Variants in GPX4 observed in about 807,000 individuals in gnomAD.
The protein encoded by GPX4 is glutathione peroxidase 4, also known as phospholipid hydroperoxide glutathione peroxidase GPX4.
A neutral mutation model predicts 27.8 loss-of-function variants in GPX4; 28 were observed. The ratio of observed to expected loss-of-function variants is 1.01; its 90% CI spans 0.75 to 1.38. The LOEUF (loss-of-function observed/expected upper bound fraction) is 1.38. Ranked by LOEUF, GPX4 falls within the 40% of genes most tolerant of loss-of-function variation. The probability of loss-of-function intolerance (pLI) is 0.00; values close to 1 mark genes in which losing one functional copy is unlikely to be tolerated. For synonymous variants in GPX4, 163 were observed against 107.8 expected (o/e 1.51, Z -3.17); for missense variants, 357 against 274.1 (o/e 1.30, Z -2.14).
Position 1,105,672 on chromosome 19 carries a change from C to G in GPX4, c.339C>G (p.Asn113Lys), listed in dbSNP as rs1342629270. The change falls in exon 4 of 7, where the codon AAC becomes AAG. Residue 113 changes from asparagine to lysine, a missense_variant. Physicochemically the swap from Asn to Lys is moderately conservative, Grantham distance 94. Transcript: ENST00000354171. ...GGCCGCCACAGGAGCCAGGGAGTAA[C>G]GAAGAGATCAAAGAGTTCGCCGCGG... ...NQFGKQEPGS[N>K]EEIKEFAAGY... The G allele has an allele frequency of 1.9e-6, 3 of 1,613,010 alleles. No individual in the cohort carries two copies. The highest frequency in any genetic ancestry group is 1.1e-5 in the South Asian group (1 of 91,010).
intron 6 of GPX4, 34 bp downstream of exon 6, chr19:1,106,493 G>A (rs200721348): frequency 7.9e-5 from 128 of 1,611,762 alleles, no homozygotes; most frequent in Non-Finnish European, 1.0e-4. Context: ...CTTGAGGCTC[G>A]GGGGCTTGGG....
intron 1 of GPX4, chr19:1,104,529 G>A: frequency 1.5e-6 from 1 of 656,348 alleles, no homozygotes; most frequent in Non-Finnish European, 1.9e-6. Context: ...TCTCCGGGCC[G>A]AGCGGGGCTG....
chr19:1,104,180 C>A, intron 1 of GPX4, 53 bp downstream of exon 1: 1 of 1,339,882 alleles, frequency 7.5e-7, no homozygotes, highest in Non-Finnish European at 9.6e-7. Context: ...GGCGGGCGCG[C>A]GATCCCTGCC....
rs928891922 is a variant in GPX4 at position 1,105,706 on chromosome 19, G to A, written c.373G>A (p.Val125Ile). 5.0e-6 allele frequency: 8 copies of A among 1,611,576 alleles called. No homozygotes were observed. The highest frequency in any genetic ancestry group is 4.0e-5 in the African/African-American group (3 of 74,928). Residue 125 changes from valine (V) to isoleucine (I), a missense_variant, in exon 4 of 7, where the codon GTC becomes ATC. Transcript: ENST00000354171. ...EIKEFAAGYN[V>I]KFDMFSKICV... ...CAAAGAGTTCGCCGCGGGCTACAACGTCAAATTCGATATGTTCAGCAAGAT... is the reference window on the plus strand; with the variant it reads ...CAAAGAGTTCGCCGCGGGCTACAACATCAAATTCGATATGTTCAGCAAGAT...
rs752207175 is a variant in GPX4, at chr19:1,106,387, C to A, written c.502-13C>A. ...AGGGGTGGCCCCACAGTTTGGACAC[C>A]GTCTCTCCACAGTTCCTCATCGACA... On this transcript the variant is annotated splice_polypyrimidine_tract_variant and intron_variant, in intron 5 of 6. Transcript: ENST00000354171. The A allele has an allele frequency of 1.9e-6, 3 of 1,613,476 alleles. No individual in the cohort carries two copies. Among genetic ancestry groups the A allele is most frequent in the East Asian group, 4.5e-5 (2 of 44,876 alleles).
chr19:1,105,529 G>C lies in GPX4; in HGVS notation c.324+19G>C. 1 of 1,611,376 alleles carries C rather than the reference G, an allele frequency of 6.2e-7. No homozygotes were observed. The highest frequency in any genetic ancestry group is 8.5e-7 in the Non-Finnish European group (1 of 1,179,352). On this transcript the variant is annotated intron_variant, in intron 3 of 6. Transcript: ENST00000354171. ...GAAGCAGGTGGGCTGCTGCGTCCCC[G>C]GGGCCCGCAGAGGCGGGTGGGTGGG... is the stretch of plus-strand genomic sequence containing the variant.
Position 1,105,123 on chromosome 19 carries a change from G to A in GPX4, c.85-63G>A, listed in dbSNP as rs548528852. ...ACCGACCCGCTCCCGATCCCTTCCT[G>A]CCTCAGGGTCCCGGGCTCAGCCTCC... On this transcript the variant is annotated intron_variant, in intron 1 of 6. Transcript: ENST00000354171. The A allele has an allele frequency of 1.1e-5, 17 of 1,586,330 alleles. No individual in the cohort carries two copies. The Admixed American group carries it at 2.9e-4, about 27-fold the overall frequency.
At chr19:1,106,516 T>C in intron 6 of GPX4, 24 bp from the exon 7 acceptor site, 1 of 1,612,280 alleles carries the variant, frequency 6.2e-7, no homozygotes, top group Non-Finnish European at 8.5e-7. Context: ...GTAGCTGCCC[T>C]AACCCAGCTT....
intron 1 of GPX4, chr19:1,104,375 G>A: frequency 2.2e-6 from 1 of 444,920 alleles, no homozygotes; most frequent in Non-Finnish European, 3.8e-6. Context: ...GTTGTTCCAC[G>A]CGCGCGGGTC....
rs775322412 is a variant in GPX4 at position 1,106,620 on chromosome 19, G to A, written c.*48G>A. On this transcript the variant is annotated 3_prime_UTR_variant, in exon 7 of 7. Transcript: ENST00000354171. ...CCGAGCCCCTGCCCACGCCCTTGGA[G>A]CCTTCCACCGGCACTCATGACGGCC... 28 of 1,609,766 alleles carry A rather than the reference G, an allele frequency of 1.7e-5. No homozygotes were observed. In the East Asian group the frequency reaches 4.5e-4, roughly 26 times the overall value.
chr19:1,104,820 G>C (rs1355136830), intron 1 of GPX4: 1 of 1,025,212 alleles, frequency 9.8e-7, no homozygotes. Flanking sequence ...GCCCCTCGGC[G>C]GCGGAAGGCC....
At position 1,105,050 on chromosome 19, in the gene GPX4, G is replaced by A. The variant is rs1568532521; in HGVS notation, c.85-136G>A. On this transcript the variant is annotated intron_variant, in intron 1 of 6. Coordinates refer to ENST00000354171, the MANE Select transcript of GPX4 (RefSeq NM_002085.5). ...ACAAGGGGGCGTGTGCGTTTAAGGAGGAGGAGCGTTCAGGTCTTCAGGGCC... is the reference window on the plus strand; with the variant it reads ...ACAAGGGGGCGTGTGCGTTTAAGGAAGAGGAGCGTTCAGGTCTTCAGGGCC... 17 of 1,478,056 alleles carry A rather than the reference G, an allele frequency of 1.2e-5. No individual in the cohort carries two copies. In the South Asian group the frequency reaches 1.7e-4, roughly 15 times the overall value. The allele number at this position is 1,478,056 out of a possible 1,614,324, so 91.6% of individuals were successfully genotyped here.
In GPX4 at chr19:1,105,753, C is replaced by T. The variant is rs765230184; in HGVS notation, c.420C>T (p.Ala140=). The change falls in exon 4 of 7, where the codon GCC becomes GCT. Residue 140 remains alanine (A), a synonymous_variant. Transcript: ENST00000354171. ...FSKICVNGDD[A]HPLWKWMKIQ... ...AGATCTGCGTGAACGGGGACGACGCCCACCCGCTGTGGAAGTGGATGAAGA... is the reference window on the plus strand; with the variant it reads ...AGATCTGCGTGAACGGGGACGACGCTCACCCGCTGTGGAAGTGGATGAAGA... 7 of 1,595,422 alleles carry T rather than the reference C, an allele frequency of 4.4e-6. No homozygotes were observed. Among genetic ancestry groups the T allele is most frequent in the Non-Finnish European group, 4.3e-6 (5 of 1,171,286 alleles).
chr19:1,106,082 A>G (rs1391448843), intron 4 of GPX4, 160 bp from the exon 5 acceptor site: 6 of 570,154 alleles, frequency 1.1e-5, no homozygotes, highest in African/African-American at 1.0e-4. Context: ...CTCACACTGC[A>G]TGGCCTCCTG....
chr19:1,105,339 C>A (rs1488901772), intron 2 of GPX4, 27 bp from the exon 3 acceptor site: 1 of 1,612,170 alleles, frequency 6.2e-7, no homozygotes, highest in South Asian at 1.1e-5. Context: ...CCGTGTTCTT[C>A]TGCGCTGACG....
At chr19:1,105,543 C>T (rs1008169969) in intron 3 of GPX4, 33 bp downstream of exon 3, 16 of 603,848 alleles carry the variant, frequency 2.6e-5, no homozygotes, top group Non-Finnish European at 4.3e-5. Flanking sequence ...CCCGCAGAGG[C>T]GGGTGGGTGG....
chr19:1,104,560 G>A (rs1358555234), intron 1 of GPX4: 4 of 891,362 alleles, frequency 4.5e-6, no homozygotes, highest in Non-Finnish European at 5.4e-6. Flanking sequence ...GCGGTTGGGG[G>A]CGCGGAGGGC....
intron 1 of GPX4, chr19:1,104,602 C>T (rs2079625665): frequency 8.1e-6 from 8 of 982,088 alleles, no homozygotes; most frequent in Non-Finnish European, 9.7e-6. Context: ...CCCCGGGCGC[C>T]GCCCCGCCCC....
In GPX4 at chr19:1,105,824, G is replaced by A. The variant is rs565372587; in HGVS notation, c.476+15G>A. On this transcript the variant is annotated intron_variant, in intron 4 of 6. Transcript: ENST00000354171. ...ATCCTGGGAAAGTGCGTGACCTCTG[G>A]GGACAGTACGGCTGCTGGGGTGGGG... The A allele has an allele frequency of 1.3e-5, 19 of 1,516,718 alleles. No homozygotes were observed. The East Asian group carries it at 5.0e-4, about 40-fold the overall frequency. The allele number at this position is 1,516,718 out of a possible 1,614,324, so 94.0% of individuals were successfully genotyped here. A position where few individuals can be genotyped will look rare whatever the true frequency, so the allele number is the denominator to read the frequency against.
Sources: allele counts gnomAD v4.1 joint callset, GRCh38; gene constraint gnomAD v4.1.1; transcripts MANE v1.5; gene names NCBI Gene and HGNC (gene_info 2026-07-23, HGNC 2026-07-21).